PCBD2: variants seen among roughly 807,000 people sequenced by gnomAD.
The protein encoded by PCBD2 is pterin-4 alpha-carbinolamine dehydratase 2, also known as pterin-4-alpha-carbinolamine dehydratase 2.
PCBD2 carries 12 observed loss-of-function variants against 16.4 expected under a neutral mutation model. That is an observed-to-expected ratio of 0.73 (90% CI 0.47 to 1.19). The LOEUF (loss-of-function observed/expected upper bound fraction) is 1.19, where lower values mean the gene tolerates loss of function less well. Ranked by LOEUF, PCBD2 falls within the 50% of genes most tolerant of loss-of-function variation. The pLI, the probability that PCBD2 is intolerant of heterozygous loss-of-function variation, is 0.00. For synonymous variants in PCBD2, 58 were observed against 61.8 expected (o/e 0.94, Z 0.29); for missense variants, 138 against 156.8 (o/e 0.88, Z 0.64).
rs1750665716 is a variant in PCBD2 at position 134,905,183 on chromosome 5, TGGC to T, written c.49_51del (p.Ala17del). On this transcript the variant is annotated inframe_deletion, in exon 1 of 4. Transcript: ENST00000254908. Reference sequence around the variant, plus strand: ...GCGCTCGGGGCGACGCGGCGCTTGTTGGCGGCGCTGCGAGGCCAGAGCCTAGGG... The same window carrying T: ...GCGCTCGGGGCGACGCGGCGCTTGTTGGCGCTGCGAGGCCAGAGCCTAGGG... 2.5e-6 allele frequency: 3 copies of T among 1,221,782 alleles called. No individual in the cohort carries two copies. Among genetic ancestry groups the T allele is most frequent in the African/African-American group, 1.6e-5 (1 of 63,228 alleles). The allele number at this position is 1,221,782 out of a possible 1,614,324, so 75.7% of individuals were successfully genotyped here.
chr5:134,924,110 C>A, intron 2 of PCBD2: 1 of 397,706 alleles, frequency 2.5e-6, no homozygotes. Context: ...TGGTTGTAGC[C>A]CGTGCAAGAA....
At chr5:134,958,831 T>C (rs1298920659) in intron 2 of PCBD2, among the ~76,000 whole-genome samples, 1 of 152,182 alleles carries the variant, frequency 6.6e-6, no homozygotes, top group East Asian at 1.9e-4. Context: ...TACTCGAGCC[T>C]GATAGTTTTT....
chr5:134,935,476 A>G (rs894364385), intron 2 of PCBD2, among the ~76,000 whole-genome samples: 20 of 152,204 alleles, frequency 1.3e-4, no homozygotes, highest in Non-Finnish European at 1.5e-5. Flanking sequence ...GTGTCATTAT[A>G]TCATGTTGTT....
intron 2 of PCBD2, among the ~76,000 whole-genome samples, chr5:134,935,430 C>A (rs529002588): frequency 6.6e-6 from 1 of 152,174 alleles, no homozygotes; most frequent in Non-Finnish European, 1.5e-5. Flanking sequence ...CCACATGTTA[C>A]GATTTGCACA....
chr5:134,942,584 A>T (rs188594576), intron 2 of PCBD2, among the ~76,000 whole-genome samples: 69 of 152,326 alleles, frequency 4.5e-4, no homozygotes, highest in Middle Eastern at 3.4e-3. Flanking sequence ...ACTTGATCAG[A>T]AAAGAGGCTA....
rs186958692 is a variant in PCBD2, at chr5:134,905,917, G to A, written c.84+694G>A. 4.5e-4 allele frequency among the ~76,000 whole-genome samples: 68 copies of A among 152,318 alleles called. No homozygotes were observed. In the East Asian group the frequency reaches 0.011, roughly 24 times the overall value. Reference sequence around the variant, plus strand: ...ACACGGAGTCTCGCTGTATCGCCGAGCCCGGAGTGGAGTGGCGCGATCTCG... The same window carrying A: ...ACACGGAGTCTCGCTGTATCGCCGAACCCGGAGTGGAGTGGCGCGATCTCG... On this transcript the variant is annotated intron_variant, in intron 1 of 3. Transcript: ENST00000254908.
chr5:134,946,821 T>G (rs1258558939), intron 2 of PCBD2, among the ~76,000 whole-genome samples: 4 of 152,328 alleles, frequency 2.6e-5, no homozygotes, highest in African/African-American at 9.6e-5. Flanking sequence ...GCACTTGTTC[T>G]CTTCCTCCAC....
At chr5:134,942,887 A>G (rs752660093) in intron 2 of PCBD2, among the ~76,000 whole-genome samples, 2 of 152,116 alleles carry the variant, frequency 1.3e-5, no homozygotes, top group African/African-American at 4.8e-5. Flanking sequence ...ATCATATTGC[A>G]TTGTTTCTGA....
chr5:134,957,708 C>A (rs1751429676), intron 2 of PCBD2, among the ~76,000 whole-genome samples: 1 of 152,172 alleles, frequency 6.6e-6, no homozygotes, highest in South Asian at 2.1e-4. Context: ...AAATAAAAAA[C>A]AGGCTTTTGT....
At chr5:134,916,131 TA>T (rs1186492189) in intron 2 of PCBD2, among the ~76,000 whole-genome samples, 2 of 151,928 alleles carry the variant, frequency 1.3e-5, no homozygotes, top group African/African-American at 4.8e-5. Context: ...TCTACAAAAA[TA>T]AAAATTAGCC....
At chr5:134,910,048 C>A (rs543023586) in intron 1 of PCBD2, among the ~76,000 whole-genome samples, 2 of 152,148 alleles carry the variant, frequency 1.3e-5, no homozygotes, top group African/African-American at 4.8e-5. Context: ...CCAGCCTGGG[C>A]GACAGAGCGA....
At chr5:134,908,539 C>T (rs1750726907) in intron 1 of PCBD2, among the ~76,000 whole-genome samples, 1 of 151,768 alleles carries the variant, frequency 6.6e-6, no homozygotes, top group South Asian at 2.1e-4. Context: ...GTGGCATGCA[C>T]CTGTAATCAC....
chr5:134,951,918 T>C (rs1272967269), intron 2 of PCBD2, among the ~76,000 whole-genome samples: 1 of 152,132 alleles, frequency 6.6e-6, no homozygotes, highest in Admixed American at 6.5e-5. Context: ...TTGTTGGATT[T>C]TATTACCATA....
Position 134,962,108 on chromosome 5 carries a change from T to G in PCBD2, c.*1427T>G, listed in dbSNP as rs1422073875. 1.6e-5 allele frequency among the ~76,000 whole-genome samples: 2 copies of G among 125,406 alleles called. No homozygotes were observed. Among genetic ancestry groups the G allele is most frequent in the African/African-American group, 3.2e-5 (1 of 31,484 alleles). The allele number at this position is 125,406 out of a possible 152,430, so 82.3% of individuals were successfully genotyped here. ...TGTGTGTGTGTGTGTGTGTGTGTGTTTGACACGGGGTCTCATTCTGTTGCC... is the reference window on the plus strand; with the variant it reads ...TGTGTGTGTGTGTGTGTGTGTGTGTGTGACACGGGGTCTCATTCTGTTGCC... On this transcript the variant is annotated 3_prime_UTR_variant, in exon 4 of 4. Transcript: ENST00000254908.
chr5:134,927,592 A>G, intron 2 of PCBD2: 2 of 396,596 alleles, frequency 5.0e-6, no homozygotes, highest in Non-Finnish European at 8.9e-6. Flanking sequence ...TAGAATAGGA[A>G]GTATGTACCT....
chr5:134,926,489 T>C, intron 2 of PCBD2: 1 of 394,848 alleles, frequency 2.5e-6, no homozygotes, highest in South Asian at 1.3e-4. Flanking sequence ...ACCAAAATTT[T>C]TGGGGCCTAA....
intron 2 of PCBD2, chr5:134,924,571 G>A (rs965806537): frequency 2.5e-5 from 10 of 398,690 alleles, no homozygotes; most frequent in South Asian, 1.3e-4. Context: ...GATTATGGGC[G>A]TTGATTAGTA....
intron 2 of PCBD2, chr5:134,927,564 A>T (rs1751027463): frequency 1.0e-5 from 4 of 395,112 alleles, no homozygotes; most frequent in African/African-American, 8.5e-5. Context: ...GAGTAGGGGG[A>T]GGGAGCCTAC....
intron 2 of PCBD2, among the ~76,000 whole-genome samples, chr5:134,940,953 C>T (rs12109744): frequency 6.6e-6 from 1 of 152,016 alleles, no homozygotes; most frequent in Admixed American, 6.5e-5. Context: ...AATCCCGTCT[C>T]TACTAAAAGT....
Sources: gnomAD v4.1 joint callset for allele counts (sites outside exome capture counted in the v4.1 genomes callset) on GRCh38, gnomAD v4.1.1 for gene constraint, MANE v1.5 for transcripts, NCBI Gene and HGNC (gene_info 2026-07-23, HGNC 2026-07-21) for gene names.